MYO16: variants seen among roughly 807,000 people sequenced by gnomAD.
The protein encoded by MYO16 is unconventional myosin-XVI.
MYO16 carries 94 observed loss-of-function variants against 205.3 expected under a neutral mutation model. That is an observed-to-expected ratio of 0.46 (90% CI 0.39 to 0.54). The LOEUF (loss-of-function observed/expected upper bound fraction) is 0.54, where lower values mean the gene tolerates loss of function less well. Among genes scored for constraint, MYO16 ranks in the 20% least tolerant of loss-of-function variants. The pLI, the probability that MYO16 is intolerant of heterozygous loss-of-function variation, is 0.00. For missense variants in MYO16, 2,315 were observed against 2,387.5 expected, an observed-to-expected ratio of 0.97 and a Z score of 0.63; for synonymous variants, 988 against 954.0, an observed-to-expected ratio of 1.04 and a Z score of -0.66.
At chr13:108,892,825 A>G (rs1880236434) in intron 14 of MYO16, among the ~76,000 whole-genome samples, 1 of 152,232 alleles carries the variant, frequency 6.6e-6, no homozygotes, top group Non-Finnish European at 1.5e-5. Context: ...TGCATTCTCT[A>G]TTACCTTATG....
chr13:108,989,246 A>G (rs1289627823), intron 20 of MYO16, among the ~76,000 whole-genome samples: 1 of 152,128 alleles, frequency 6.6e-6, no homozygotes, highest in African/African-American at 2.4e-5. Flanking sequence ...AAAGGTATAC[A>G]TTTTGTTTCT....
intron 5 of MYO16, among the ~76,000 whole-genome samples, chr13:108,788,542 G>T (rs1886524525): frequency 6.6e-6 from 1 of 152,160 alleles, no homozygotes; most frequent in Admixed American, 6.5e-5. Context: ...TCATGTCCCT[G>T]AAAGACACCA....
intron 27 of MYO16, among the ~76,000 whole-genome samples, chr13:109,075,541 A>C (rs534504594): frequency 4.6e-4 from 70 of 151,810 alleles, no homozygotes; most frequent in African/African-American, 1.6e-3. Flanking sequence ...AGGTGTGGCT[A>C]ATTTTTGTAT....
intron 2 of MYO16, among the ~76,000 whole-genome samples, chr13:108,685,516 G>A (rs1882642637): frequency 6.6e-6 from 1 of 152,212 alleles, no homozygotes; most frequent in Non-Finnish European, 1.5e-5. Flanking sequence ...TGTGATCACA[G>A]AAGTGTTTGT....
chr13:109,045,151 C>T (rs1212095913), intron 23 of MYO16, among the ~76,000 whole-genome samples: 4 of 152,186 alleles, frequency 2.6e-5, no homozygotes, highest in Non-Finnish European at 5.9e-5. Context: ...TTGCTGGGCA[C>T]TGCTGCTCCT....
intron 5 of MYO16, among the ~76,000 whole-genome samples, chr13:108,789,601 C>T (rs9587688): frequency 6.6e-6 from 1 of 151,622 alleles, no homozygotes; most frequent in East Asian, 1.9e-4. Context: ...TGGGAGAAAG[C>T]AATGGGTAGA....
intron 27 of MYO16, among the ~76,000 whole-genome samples, chr13:109,091,594 G>A (rs1383415313): frequency 6.6e-6 from 1 of 152,178 alleles, no homozygotes; most frequent in African/African-American, 2.4e-5. Context: ...TTCCTCTGCA[G>A]TGCTCAGCAC....
At chr13:108,812,082 C>T (rs1359906097) in intron 7 of MYO16, among the ~76,000 whole-genome samples, 7 of 152,298 alleles carry the variant, frequency 4.6e-5, no homozygotes, top group East Asian at 1.9e-4. Flanking sequence ...GAATGCACCA[C>T]CACATATAGC....
At chr13:108,699,178 T>C (rs577889249) in intron 2 of MYO16, among the ~76,000 whole-genome samples, 3,117 of 150,562 alleles carry the variant, frequency 0.021, 114 homozygotes, top group African/African-American at 0.072. Flanking sequence ...ATATACTATA[T>C]ACACACATGT....
rs1319969057 is a variant in MYO16, at chr13:108,630,543, C to A, written c.28+671C>A. ...AGCTAGAGAATACTTCCATCTAAAC[C>A]AATTCTGGATGGTAATAATGAAGAG... On this transcript the variant is annotated intron_variant, in intron 1 of 34. Coordinates refer to ENST00000457511, the MANE Select transcript of MYO16 (RefSeq NM_001198950.3). 3.3e-5 allele frequency among the ~76,000 whole-genome samples: 5 copies of A among 152,126 alleles called. No homozygotes were observed. The East Asian group carries it at 7.7e-4, about 23-fold the overall frequency.
intron 34 of MYO16, 66 bp downstream of exon 34, chr13:109,179,699 T>A: frequency 7.6e-7 from 1 of 1,314,928 alleles, no homozygotes. Flanking sequence ...AGGCATTCAT[T>A]AACTTGTTAC....
chr13:109,051,568 G>A (rs761449075), intron 24 of MYO16, among the ~76,000 whole-genome samples: 4 of 151,912 alleles, frequency 2.6e-5, no homozygotes, highest in African/African-American at 7.3e-5. Flanking sequence ...ACCCTTAACC[G>A]CCACATACAT....
At chr13:108,726,506 C>T (rs192780819) in intron 3 of MYO16, among the ~76,000 whole-genome samples, 2,183 of 150,680 alleles carry the variant, frequency 0.014, 19 homozygotes, top group Non-Finnish European at 0.024. Context: ...TTGCAGTGAG[C>T]TGAGATCGCG....
chr13:108,794,867 T>C (rs961236673), intron 6 of MYO16, among the ~76,000 whole-genome samples: 12 of 152,130 alleles, frequency 7.9e-5, no homozygotes, highest in African/African-American at 2.9e-4. Context: ...ATTACTCCCA[T>C]GAAAAAAACA....
intron 27 of MYO16, among the ~76,000 whole-genome samples, chr13:109,069,086 TAAAAC>T: frequency 6.6e-6 from 1 of 152,264 alleles, no homozygotes; most frequent in Non-Finnish European, 1.5e-5. Flanking sequence ...AGTGTTAAAA[TAAAAC>T]AAAAGAGCAG....
chr13:108,544,719 A>T, the MYO16 span, among the ~76,000 whole-genome samples: 470 of 152,290 alleles, frequency 3.1e-3, no homozygotes, highest in Non-Finnish European at 4.8e-3. Flanking sequence ...GATACCCATT[A>T]ACCATTGCTA....
the MYO16 span, among the ~76,000 whole-genome samples, chr13:108,584,097 G>A: frequency 6.6e-6 from 1 of 151,956 alleles, no homozygotes; most frequent in East Asian, 1.9e-4. Flanking sequence ...GGGACTACAG[G>A]TGCCCACCAC....
At chr13:108,620,905 G>A (rs929772528) in intron 1 of MYO16, among the ~76,000 whole-genome samples, 3 of 152,140 alleles carry the variant, frequency 2.0e-5, no homozygotes, top group Non-Finnish European at 4.4e-5. Flanking sequence ...TGACTCATGA[G>A]AAGGAACAGA....
intron 9 of MYO16, among the ~76,000 whole-genome samples, chr13:108,840,080 G>C (rs1221451042): frequency 2.0e-5 from 3 of 152,170 alleles, no homozygotes; most frequent in Non-Finnish European, 4.4e-5. Flanking sequence ...GGTAGAACCA[G>C]ACATCAAACA....
Sources: gnomAD v4.1 joint callset for allele counts (sites outside exome capture counted in the v4.1 genomes callset) on GRCh38, gnomAD v4.1.1 for gene constraint, MANE v1.5 for transcripts, NCBI Gene and HGNC (gene_info 2026-07-23, HGNC 2026-07-21) for gene names.